Variants in FBXL7 observed in about 807,000 individuals in gnomAD.
The protein encoded by FBXL7 is F-box and leucine rich repeat protein 7.
In FBXL7, 12 loss-of-function variants were observed where a neutral mutation model predicts 38.3. The ratio of observed to expected loss-of-function variants is 0.31; its 90% CI spans 0.20 to 0.51. The LOEUF (loss-of-function observed/expected upper bound fraction) is 0.51, where lower values mean the gene tolerates loss of function less well. Among genes scored for constraint, FBXL7 ranks in the 20% least tolerant of loss-of-function variants. The pLI is 0.98. For missense variants in FBXL7, 567 were observed against 676.4 expected (o/e 0.84, Z 1.79); for synonymous variants, 297 against 300.9 (o/e 0.99, Z 0.13).
chr5:15,728,690 T>G (rs1411863606), intron 2 of FBXL7, among the ~76,000 whole-genome samples: 1 of 152,174 alleles, frequency 6.6e-6, no homozygotes, highest in Non-Finnish European at 1.5e-5. Context: ...GATCAAACCA[T>G]GAACTCTGCT....
At chr5:15,796,873 G>A (rs1187257554) in intron 2 of FBXL7, among the ~76,000 whole-genome samples, 5 of 152,154 alleles carry the variant, frequency 3.3e-5, no homozygotes, top group African/African-American at 9.7e-5. Flanking sequence ...ATTTTAGAAC[G>A]TGCGTGATGA....
intron 2 of FBXL7, among the ~76,000 whole-genome samples, chr5:15,862,377 C>T (rs779931508): frequency 6.6e-6 from 1 of 152,166 alleles, no homozygotes; most frequent in Non-Finnish European, 1.5e-5. Context: ...CCATTAAACC[C>T]CTTTCATTTG....
At chr5:15,788,433 G>GGGA (rs1230819592) in intron 2 of FBXL7, among the ~76,000 whole-genome samples, 1 of 152,084 alleles carries the variant, frequency 6.6e-6, no homozygotes, top group East Asian at 1.9e-4. Context: ...AATAAAACAT[G>GGGA]GGAGAGAAAA....
chr5:15,788,854 A>AT (rs796860907), intron 2 of FBXL7, among the ~76,000 whole-genome samples: 1,968 of 132,406 alleles, frequency 0.015, 43 homozygotes, highest in African/African-American at 0.043. Flanking sequence ...TAAGTTTTGT[A>AT]TTTTTTTTTT....
At chr5:15,642,529 T>C (rs1487285317) in intron 2 of FBXL7, among the ~76,000 whole-genome samples, 4 of 152,316 alleles carry the variant, frequency 2.6e-5, no homozygotes, top group East Asian at 1.9e-4. Flanking sequence ...TTATAGTCCA[T>C]GAAACCTGCT....
chr5:15,937,083 C>T lies in FBXL7; in HGVS notation c.1373C>T (p.Thr458Met), dbSNP rs776522515. The T allele has an allele frequency of 1.5e-5, 24 of 1,613,884 alleles. No individual in the cohort carries two copies. The highest frequency in any genetic ancestry group is 1.6e-4 in the Middle Eastern group (1 of 6,084). Reference protein sequence around the residue: ...IVAANCFDLQTLNVQDCEVSV... With the variant: ...IVAANCFDLQMLNVQDCEVSV... ...GCCGCCAACTGCTTTGACCTCCAGA[C>T]GCTGAATGTCCAGGACTGCGAGGTC... The change falls in exon 4 of 4, where the codon ACG becomes ATG. Residue 458 changes from threonine to methionine, a missense_variant. By Grantham distance (81) the Thr-to-Met change is moderately conservative. Transcript: ENST00000504595.
intron 2 of FBXL7, among the ~76,000 whole-genome samples, chr5:15,810,706 G>A (rs531924397): frequency 9.2e-5 from 14 of 151,850 alleles, no homozygotes; most frequent in Admixed American, 6.6e-4. Flanking sequence ...GTTATAATTC[G>A]GCTGCCACCA....
chr5:15,931,380 G>C (rs1742032379), intron 3 of FBXL7, among the ~76,000 whole-genome samples: 1 of 152,058 alleles, frequency 6.6e-6, no homozygotes, highest in Non-Finnish European at 1.5e-5. Flanking sequence ...TGGAGACCTG[G>C]AATCATCCTT....
At chr5:15,538,535 T>G (rs1737650175) in intron 1 of FBXL7, among the ~76,000 whole-genome samples, 1 of 152,302 alleles carries the variant, frequency 6.6e-6, no homozygotes, top group Non-Finnish European at 1.5e-5. Flanking sequence ...TAATTGTTTT[T>G]TGCTAAATCT....
intron 2 of FBXL7, among the ~76,000 whole-genome samples, chr5:15,776,851 TTAAA>T (rs577487479): frequency 2.0e-5 from 3 of 152,116 alleles, no homozygotes; most frequent in African/African-American, 7.2e-5. Context: ...ATTATAGAAC[TTAAA>T]TAAAATGTTA....
chr5:15,883,326 G>T (rs1740539198), intron 2 of FBXL7, among the ~76,000 whole-genome samples: 1 of 151,900 alleles, frequency 6.6e-6, no homozygotes, highest in African/African-American at 2.4e-5. Flanking sequence ...TTTAATTTTT[G>T]TTTTTTCTGG....
At chr5:15,619,489 C>G (rs1439428129) in intron 2 of FBXL7, among the ~76,000 whole-genome samples, 1 of 152,160 alleles carries the variant, frequency 6.6e-6, no homozygotes, top group Non-Finnish European at 1.5e-5. Context: ...GGATTCTCTT[C>G]CCACTGTTTT....
At chr5:15,619,334 G>A (rs1186056995) in intron 2 of FBXL7, among the ~76,000 whole-genome samples, 4 of 152,058 alleles carry the variant, frequency 2.6e-5, no homozygotes, top group Non-Finnish European at 5.9e-5. Context: ...CCCTGGTTGC[G>A]GAATTACACT....
intron 2 of FBXL7, among the ~76,000 whole-genome samples, chr5:15,682,347 C>T (rs1166975241): frequency 6.6e-6 from 1 of 152,130 alleles, no homozygotes; most frequent in African/African-American, 2.4e-5. Context: ...CACATCACTG[C>T]AAGAGAGGCT....
intron 1 of FBXL7, among the ~76,000 whole-genome samples, chr5:15,552,759 C>T (rs1396577402): frequency 1.1e-4 from 16 of 152,064 alleles, no homozygotes; most frequent in South Asian, 2.1e-4. Context: ...AACTCATCAC[C>T]GATCTTAGGA....
chr5:15,920,261 A>T (rs984028143), intron 2 of FBXL7, among the ~76,000 whole-genome samples: 1 of 152,042 alleles, frequency 6.6e-6, no homozygotes, highest in Non-Finnish European at 1.5e-5. Context: ...CATCTCAAAA[A>T]AAAAAAAATT....
chr5:15,648,444 TTTTA>T (rs1741606155), intron 2 of FBXL7, among the ~76,000 whole-genome samples: 1 of 152,186 alleles, frequency 6.6e-6, no homozygotes, highest in East Asian at 1.9e-4. Flanking sequence ...ACCATGAAGG[TTTTA>T]TTTTTTCCCA....
chr5:15,857,626 A>G (rs1392701509), intron 2 of FBXL7, among the ~76,000 whole-genome samples: 2 of 152,242 alleles, frequency 1.3e-5, no homozygotes, highest in Non-Finnish European at 2.9e-5. Context: ...CGTAGGCACC[A>G]TCAAACATAG....
At chr5:15,610,514 G>A (rs1051385958) in intron 1 of FBXL7, among the ~76,000 whole-genome samples, 2 of 152,186 alleles carry the variant, frequency 1.3e-5, no homozygotes, top group African/African-American at 4.8e-5. Flanking sequence ...TCGTCATGCT[G>A]CAGACTTCAG....
Sources: gnomAD v4.1 joint callset for allele counts (sites outside exome capture counted in the v4.1 genomes callset) on GRCh38, gnomAD v4.1.1 for gene constraint, MANE v1.5 for transcripts, NCBI Gene and HGNC (gene_info 2026-07-23, HGNC 2026-07-21) for gene names.